The following ILRUN variants were observed in gnomAD, a reference collection of about 807,000 sequenced individuals.
ILRUN encodes protein ILRUN.
Under a neutral mutation model 33.8 loss-of-function variants are expected in ILRUN, and 3 were observed. The observed-to-expected ratio is 0.09, with a 90% CI of 0.04 to 0.23. The LOEUF (loss-of-function observed/expected upper bound fraction) is 0.23. ILRUN is among the 10% of genes least tolerant of loss of function. The probability of loss-of-function intolerance (pLI) is 1.00; values close to 1 mark genes in which losing one functional copy is unlikely to be tolerated. For synonymous variants in ILRUN, 124 were observed against 138.9 expected, an observed-to-expected ratio of 0.89 and a Z score of 0.75; for missense variants, 210 against 375.1, an observed-to-expected ratio of 0.56 and a Z score of 3.64.
intron 3 of ILRUN, among the ~76,000 whole-genome samples, chr6:34,609,888 G>T: frequency 6.6e-6 from 1 of 152,160 alleles, no homozygotes; most frequent in Non-Finnish European, 1.5e-5. Context: ...GCCGGGTGTG[G>T]TGGCTCATGC....
In ILRUN at chr6:34,693,818, A is replaced by G. The variant is rs371658129; in HGVS notation, c.158+2628T>C. On this transcript the variant is annotated intron_variant, in intron 1 of 4. Coordinates refer to ENST00000374023, the MANE Select transcript of ILRUN (RefSeq NM_024294.4). ...CAAATACAAGTTTTATAATCCAACT[A>G]TATTTTTAATTTTTTTTTTTGAGAC... is the stretch of plus-strand genomic sequence containing the variant. Among the ~76,000 whole-genome samples, 79 of 151,646 alleles carry G rather than the reference A, an allele frequency of 5.2e-4. 1 individual carries two copies. Among genetic ancestry groups the G allele is most frequent in the African/African-American group, 1.8e-3 (75 of 41,328 alleles).
chr6:34,617,864 T>C (rs1426465809), intron 3 of ILRUN, among the ~76,000 whole-genome samples: 2 of 151,952 alleles, frequency 1.3e-5, no homozygotes, highest in African/African-American at 4.8e-5. Context: ...GAGTAACAAA[T>C]CAGATCAACC....
chr6:34,689,592 G>A (rs76419500), intron 1 of ILRUN, among the ~76,000 whole-genome samples: 2,778 of 151,834 alleles, frequency 0.018, 36 homozygotes, highest in Non-Finnish European at 0.027. Flanking sequence ...TATCATAAAG[G>A]AACTTTTTCC....
chr6:34,674,315 CCGCGCCCG>C (rs1190729767), intron 1 of ILRUN, among the ~76,000 whole-genome samples: 5 of 152,234 alleles, frequency 3.3e-5, no homozygotes, highest in Admixed American at 1.3e-4. Flanking sequence ...GCGTGAGCCA[CCGCGCCCG>C]GCCCCCAAAT....
intron 1 of ILRUN, among the ~76,000 whole-genome samples, chr6:34,669,870 C>T (rs745830921): frequency 1.3e-5 from 2 of 151,336 alleles, no homozygotes; most frequent in African/African-American, 2.4e-5. Context: ...TACATGACTA[C>T]GTATTATATG....
chr6:34,662,165 G>A (rs1254590505), intron 1 of ILRUN, among the ~76,000 whole-genome samples: 21 of 141,544 alleles, frequency 1.5e-4, no homozygotes, highest in African/African-American at 5.6e-4. Context: ...AATTAGCTGG[G>A]CGTGGTGGCA....
intron 1 of ILRUN, among the ~76,000 whole-genome samples, chr6:34,688,897 G>C (rs1017064844): frequency 6.6e-6 from 1 of 152,068 alleles, no homozygotes; most frequent in Non-Finnish European, 1.5e-5. Context: ...GGAGGCGGAG[G>C]TTACAGCGAG....
rs556431266 is a variant in ILRUN, at chr6:34,638,532, G to A, written c.511+8069C>T. On this transcript the variant is annotated intron_variant, in intron 3 of 4. Transcript: ENST00000374023. ...AGTTCAAGACCAGCCTGGGCAACTTGGCAAAACCCCGTCTCTACAAAACAA... is the reference window on the plus strand; with the variant it reads ...AGTTCAAGACCAGCCTGGGCAACTTAGCAAAACCCCGTCTCTACAAAACAA... 7.3e-5 allele frequency among the ~76,000 whole-genome samples: 11 copies of A among 151,676 alleles called. No homozygotes were observed. The South Asian group carries it at 2.1e-3, about 29-fold the overall frequency.
intron 3 of ILRUN, among the ~76,000 whole-genome samples, chr6:34,631,617 C>A (rs1338602979): frequency 2.0e-5 from 3 of 152,154 alleles, no homozygotes; most frequent in African/African-American, 7.2e-5. Context: ...GAGTGAGCCA[C>A]CATGCACAGC....
chr6:34,632,419 C>A (rs1016667397), intron 3 of ILRUN, among the ~76,000 whole-genome samples: 1 of 151,644 alleles, frequency 6.6e-6, no homozygotes, highest in African/African-American at 2.4e-5. Context: ...CCAGCCTGGG[C>A]GACAGAGCAA....
chr6:34,623,758 G>A (rs1314018554), intron 3 of ILRUN, among the ~76,000 whole-genome samples: 2 of 152,048 alleles, frequency 1.3e-5, no homozygotes, highest in African/African-American at 2.4e-5. Flanking sequence ...TGGATAAAAA[G>A]GCTTAAAATT....
At position 34,663,623 on chromosome 6, in the gene ILRUN, C is replaced by A. The variant is rs370689061; in HGVS notation, c.159-8844G>T. Among the ~76,000 whole-genome samples, 368 of 152,246 alleles carry A rather than the reference C, an allele frequency of 2.4e-3. 1 individual carries two copies. The highest frequency in any genetic ancestry group is 8.5e-3 in the African/African-American group (352 of 41,530). On this transcript the variant is annotated intron_variant, in intron 1 of 4. Coordinates refer to ENST00000374023, the MANE Select transcript of ILRUN (RefSeq NM_024294.4). ...CCTCCCAAAGTGCTGGGAATATAGG[C>A]ATGAGCCACCCCGTCCAGCTAAGGT...
chr6:34,668,484 T>G (rs987799368), intron 1 of ILRUN, among the ~76,000 whole-genome samples: 1 of 152,146 alleles, frequency 6.6e-6, no homozygotes, highest in Admixed American at 6.6e-5. Context: ...GATAAACACA[T>G]GCATAACAGA....
intron 1 of ILRUN, among the ~76,000 whole-genome samples, chr6:34,664,804 A>C (rs1396638818): frequency 6.6e-6 from 1 of 152,250 alleles, no homozygotes; most frequent in Non-Finnish European, 1.5e-5. Flanking sequence ...ACTTCAGGAA[A>C]TGGTTTAAAA....
At position 34,640,713 on chromosome 6, in the gene ILRUN, A is replaced by AAATG. The variant is rs141557087; in HGVS notation, c.511+5884_511+5887dup. 3.9e-3 allele frequency among the ~76,000 whole-genome samples: 591 copies of AAATG among 151,048 alleles called. 5 individuals carry two copies. The highest frequency in any genetic ancestry group is 7.0e-3 in the African/African-American group (286 of 40,836). On this transcript the variant is annotated intron_variant, in intron 3 of 4. Transcript: ENST00000374023. Reference sequence around the variant, plus strand: ...GACAGAGCGAGACTCCGTCTCAAATAAATGAATGAATGAATGAATGAATGA... The same window carrying AAATG: ...GACAGAGCGAGACTCCGTCTCAAATAAATGAATGAATGAATGAATGAATGAATGA...
At chr6:34,652,379 A>T (rs1762688733) in intron 2 of ILRUN, among the ~76,000 whole-genome samples, 1 of 152,204 alleles carries the variant, frequency 6.6e-6, no homozygotes, top group East Asian at 1.9e-4. Context: ...GGGCGAATGA[A>T]ATTTTACAAA....
Position 34,606,639 on chromosome 6 carries a change from T to C in ILRUN, c.777A>G (p.Gln259=), listed in dbSNP as rs746009090. Residue 259 remains glutamine (Q), a synonymous_variant, in exon 4 of 5, where the codon CAA becomes CAG. Transcript: ENST00000374023. ...AGTTCTGTGACAGTCTATTCTGGTCTTGCTCAGTTTGGTCAGGAGCAGGAG... is the reference window on the plus strand; with the variant it reads ...AGTTCTGTGACAGTCTATTCTGGTCCTGCTCAGTTTGGTCAGGAGCAGGAG... ...TWAPAPDQTE[Q]DQNRLSQNSV... is the part of the protein sequence containing the mutation. 1.7e-5 allele frequency: 28 copies of C among 1,614,196 alleles called. No individual in the cohort carries two copies. The highest frequency in any genetic ancestry group is 2.4e-5 in the Non-Finnish European group (28 of 1,180,030).
chr6:34,613,096 AG>A (rs1184061700), intron 3 of ILRUN, among the ~76,000 whole-genome samples: 1 of 151,894 alleles, frequency 6.6e-6, no homozygotes, highest in Non-Finnish European at 1.5e-5. Flanking sequence ...CTGTAGTCTC[AG>A]CTACCTAGCA....
At chr6:34,651,467 T>C (rs1034669632) in intron 2 of ILRUN, among the ~76,000 whole-genome samples, 2 of 151,934 alleles carry the variant, frequency 1.3e-5, no homozygotes, top group African/African-American at 4.8e-5. Flanking sequence ...CTCCCAAAGC[T>C]CCCCATTAAC....
Sources: gnomAD v4.1 joint callset for allele counts (sites outside exome capture counted in the v4.1 genomes callset) on GRCh38, gnomAD v4.1.1 for gene constraint, MANE v1.5 for transcripts, NCBI Gene and HGNC (gene_info 2026-07-23, HGNC 2026-07-21) for gene names.